Variants in AGBL2 observed in about 807,000 individuals in gnomAD.
The protein encoded by AGBL2 is AGBL carboxypeptidase 2.
AGBL2 carries 87 observed loss-of-function variants against 103.0 expected under a neutral mutation model. The ratio of observed to expected loss-of-function variants is 0.84; its 90% CI spans 0.71 to 1.01. The LOEUF is 1.01. AGBL2 is among the 50% of genes least tolerant of loss of function. The pLI is 0.00. For missense variants in AGBL2, 904 were observed against 1,023.5 expected (o/e 0.88, Z 1.59); for synonymous variants, 335 against 356.7 (o/e 0.94, Z 0.69).
At chr11:47,701,132 A>C (rs1274737793) in intron 7 of AGBL2, among the ~76,000 whole-genome samples, 4 of 152,024 alleles carry the variant, frequency 2.6e-5, no homozygotes, top group Non-Finnish European at 5.9e-5. Context: ...GTTTGTTAAT[A>C]AGTTTCTTTG....
At chr11:47,683,705 G>A (rs1437663060) in intron 11 of AGBL2, among the ~76,000 whole-genome samples, 2 of 151,606 alleles carry the variant, frequency 1.3e-5, no homozygotes, top group Admixed American at 1.3e-4. Flanking sequence ...TCAGGAGGTG[G>A]AGGTTACAGT....
chr11:47,703,274 T>G (rs2097505400), intron 7 of AGBL2, among the ~76,000 whole-genome samples: 2 of 152,066 alleles, frequency 1.3e-5, no homozygotes, highest in African/African-American at 4.8e-5. Context: ...TTAGATAAGA[T>G]GCTATGCCCT....
At chr11:47,665,030 C>T (rs745604164) in intron 17 of AGBL2, among the ~76,000 whole-genome samples, 12 of 151,726 alleles carry the variant, frequency 7.9e-5, no homozygotes, top group Non-Finnish European at 1.2e-4. Flanking sequence ...TATAAGCATG[C>T]GCCACCATGC....
chr11:47,712,078 T>C (rs1489421852), intron 3 of AGBL2, among the ~76,000 whole-genome samples: 1 of 152,084 alleles, frequency 6.6e-6, no homozygotes, highest in Admixed American at 6.6e-5. Flanking sequence ...AAAAAATAAA[T>C]AAATAAATAT....
chr11:47,701,064 AAAC>A (rs1336297046), intron 7 of AGBL2, among the ~76,000 whole-genome samples: 10 of 151,888 alleles, frequency 6.6e-5, no homozygotes, highest in African/African-American at 2.4e-4. Flanking sequence ...TCAAAAAAAA[AAAC>A]AAACAAACAA....
rs562017976 is a variant in AGBL2, at chr11:47,704,372, C to A, written c.586+171G>T. ...GTGTGCGCCTGTAATCCCAGCTACT[C>A]AGTAGGAGGCTGAGGGAGGAGAATC... On this transcript the variant is annotated intron_variant, in intron 7 of 18. Coordinates refer to ENST00000525123, the MANE Select transcript of AGBL2 (RefSeq NM_024783.4). Among the ~76,000 whole-genome samples, 51 of 150,164 alleles carry A rather than the reference C, an allele frequency of 3.4e-4. 1 individual carries two copies. Among genetic ancestry groups the A allele is most frequent in the Admixed American group, 4.0e-4 (6 of 14,970 alleles).
intron 9 of AGBL2, among the ~76,000 whole-genome samples, chr11:47,691,580 C>A (rs1285215033): frequency 2.7e-5 from 4 of 145,692 alleles, no homozygotes; most frequent in Admixed American, 6.9e-5. Context: ...TGGTGGCAGG[C>A]GCCTGTAGTC....
At chr11:47,666,781 C>T (rs748348966) in intron 17 of AGBL2, 175 bp downstream of exon 17, 1 of 661,852 alleles carries the variant, frequency 1.5e-6, no homozygotes, top group South Asian at 1.7e-5. Flanking sequence ...TCAGTCATGT[C>T]TAATCCAAAG....
intron 14 of AGBL2, among the ~76,000 whole-genome samples, chr11:47,672,529 T>C (rs916727831): frequency 1.1e-4 from 16 of 151,960 alleles, no homozygotes; most frequent in Admixed American, 9.8e-4. Context: ...TGCCCAGGCT[T>C]GTCTTGAACT....
chr11:47,712,670 A>G (rs1189387767), intron 3 of AGBL2, among the ~76,000 whole-genome samples: 2 of 151,514 alleles, frequency 1.3e-5, no homozygotes, highest in Non-Finnish European at 2.9e-5. Context: ...TTGGGAGGCC[A>G]AGGTGGGTGG....
In AGBL2 at chr11:47,659,988, TCATGAGGTATG is replaced by T; in HGVS notation, c.*174_*184del. ...TCATTTTATGAAAAAATAGTTGAAT[TCATGAGGTATG>T]CATCTTGACCACATGCCCACAGTGT... On this transcript the variant is annotated 3_prime_UTR_variant, in exon 19 of 19. Coordinates refer to ENST00000525123, the MANE Select transcript of AGBL2 (RefSeq NM_024783.4). 2.1e-6 allele frequency: 1 copy of T among 476,520 alleles called. No homozygotes were observed. Among genetic ancestry groups the T allele is most frequent in the Admixed American group, 4.1e-5 (1 of 24,368 alleles). 29.5% of individuals were successfully genotyped at this position (476,520 alleles called of 1,614,324 possible).
rs2097343064 is a variant in AGBL2, at chr11:47,667,031, C to T, written c.2373G>A (p.Lys791=). 1 of 1,612,428 alleles carries T rather than the reference C, an allele frequency of 6.2e-7. No homozygotes were observed. The highest frequency in any genetic ancestry group is 8.5e-7 in the Non-Finnish European group (1 of 1,179,506). The change falls in exon 17 of 19, where the codon AAG becomes AAA. Residue 791 remains lysine (K), a synonymous_variant. Transcript: ENST00000525123. ...CTGAGTTTTTGAAAAAGGTTGGCTG[C>T]TTTTGCAGAGTAGAAGCAAATCCTG... ...EKAGFASTLQ[K]QPTFFKNSEN...
chr11:47,678,343 A>ATTTTTTTTTTTTTTTTTT lies in AGBL2; in HGVS notation c.2017-943_2017-942insAAAAAAAAAAAAAAAAAA. On this transcript the variant is annotated intron_variant, in intron 13 of 18. Transcript: ENST00000525123. Reference sequence around the variant, plus strand: ...TTATTTTATTTTATTTTATTATTTTATTTTTTTTGAGACGGAGTCTTGCTC... The same window carrying ATTTTTTTTTTTTTTTTTT: ...TTATTTTATTTTATTTTATTATTTTATTTTTTTTTTTTTTTTTTTTTTTTTTGAGACGGAGTCTTGCTC... Among the ~76,000 whole-genome samples, 181 of 116,814 alleles carry ATTTTTTTTTTTTTTTTTT rather than the reference A, an allele frequency of 1.5e-3. 3 individuals carry two copies. The highest frequency in any genetic ancestry group is 2.5e-3 in the Non-Finnish European group (132 of 52,190). The allele number at this position is 116,814 out of a possible 152,430, so 76.6% of individuals were successfully genotyped here. A position where few individuals can be genotyped will look rare whatever the true frequency, so the allele number is the denominator to read the frequency against.
chr11:47,671,280 C>T (rs1349935968), intron 14 of AGBL2, among the ~76,000 whole-genome samples: 4 of 151,900 alleles, frequency 2.6e-5, no homozygotes, highest in South Asian at 2.1e-4. Context: ...TTTGGGAGGC[C>T]GAGATGGGCA....
Position 47,667,551 on chromosome 11 carries a change from AG to A in AGBL2, c.2340+19del. ...TGGTCTGAAACTAGACAGTAGAAAT[AG>A]CCAGCAAGTCTTTCTTACTGAGGTA... On this transcript the variant is annotated intron_variant, in intron 16 of 18. Coordinates refer to ENST00000525123, the MANE Select transcript of AGBL2 (RefSeq NM_024783.4). 1 of 1,612,190 alleles carries A rather than the reference AG, an allele frequency of 6.2e-7. No homozygotes were observed. Among genetic ancestry groups the A allele is most frequent in the African/African-American group, 1.3e-5 (1 of 74,818 alleles).
chr11:47,696,165 GAGTA>G (rs1344536925), intron 8 of AGBL2, among the ~76,000 whole-genome samples: 9 of 133,060 alleles, frequency 6.8e-5, no homozygotes, highest in African/African-American at 5.7e-5. Context: ...CTGGGTGACA[GAGTA>G]AGTGAGACTC....
intron 3 of AGBL2, 33 bp from the exon 4 acceptor site, chr11:47,710,544 A>G (rs1476540612): frequency 6.2e-7 from 1 of 1,611,904 alleles, no homozygotes; most frequent in African/African-American, 1.3e-5. Context: ...AAGTTGCTGG[A>G]AGGCCGACTC....
chr11:47,701,017 C>G (rs1233972669), intron 7 of AGBL2, among the ~76,000 whole-genome samples: 3 of 151,628 alleles, frequency 2.0e-5, no homozygotes, highest in African/African-American at 7.3e-5. Context: ...CGCGGTGCCA[C>G]CGCACTCCAG....
chr11:47,661,035 G>A (rs2097326546), intron 18 of AGBL2, among the ~76,000 whole-genome samples: 2 of 152,076 alleles, frequency 1.3e-5, no homozygotes, highest in African/African-American at 4.8e-5. Flanking sequence ...TGTTACACAA[G>A]TATCACACTA....
Sources: allele counts gnomAD v4.1 joint callset (sites outside exome capture counted in the v4.1 genomes callset), GRCh38; gene constraint gnomAD v4.1.1; transcripts MANE v1.5; gene names NCBI Gene and HGNC (gene_info 2026-07-23, HGNC 2026-07-21).